Variants in GMCL1 observed in about 807,000 individuals in gnomAD.
GMCL1 encodes the protein germ cell-less protein-like 1.
A neutral mutation model predicts 75.5 loss-of-function variants in GMCL1; 54 were observed. That is an observed-to-expected ratio of 0.71 (90% confidence interval 0.57 to 0.90). The LOEUF is 0.90. GMCL1 is among the 40% of genes least tolerant of loss of function. GMCL1 has a pLI of 0.00. For missense variants in GMCL1, 537 were observed against 622.7 expected (o/e 0.86, Z 1.47); for synonymous variants, 210 against 209.6 (o/e 1.00, Z -0.02).
At position 69,869,785 on chromosome 2, in the gene GMCL1, A is replaced by G; in HGVS notation, c.1285A>G (p.Ile429Val). 1 of 1,614,070 alleles carries G rather than the reference A, an allele frequency of 6.2e-7. No homozygotes were observed. The highest frequency in any genetic ancestry group is 8.5e-7 in the Non-Finnish European group (1 of 1,179,994). The change falls in exon 12 of 14, where the codon ATC becomes GTC. Residue 429 changes from isoleucine (I) to valine (V), a missense_variant. Transcript: ENST00000282570. The part of the protein sequence containing the change: ...DLLVTYTNRY[I>V]IFKRNTLNQP... ...ACTTGTAACTTACACCAATCGATAC[A>G]TCATTTTCAAACGCAATACACTGAA...
At chr2:69,863,744 G>A (rs1558548515) in intron 10 of GMCL1, among the ~76,000 whole-genome samples, 1 of 152,162 alleles carries the variant, frequency 6.6e-6, no homozygotes, top group Non-Finnish European at 1.5e-5. Flanking sequence ...ATGATCTGTG[G>A]GGACTGTCAG....
At chr2:69,851,752 T>A (rs1381238468) in intron 8 of GMCL1, among the ~76,000 whole-genome samples, 1 of 152,086 alleles carries the variant, frequency 6.6e-6, no homozygotes, top group Non-Finnish European at 1.5e-5. Context: ...GACAGCAGAG[T>A]GAGACCCTGT....
intron 12 of GMCL1, 146 bp downstream of exon 12, chr2:69,870,010 T>C: frequency 1.4e-6 from 1 of 716,482 alleles, no homozygotes; most frequent in East Asian, 2.8e-5. Flanking sequence ...GCTCCATTCC[T>C]GTGAAATCTA....
chr2:69,870,968 A>C (rs1675965417), intron 12 of GMCL1, among the ~76,000 whole-genome samples: 1 of 152,208 alleles, frequency 6.6e-6, no homozygotes, highest in Non-Finnish European at 1.5e-5. Context: ...ATGGTATGAC[A>C]CTTCCTCAAA....
At chr2:69,854,541 T>G (rs1675415023) in intron 8 of GMCL1, among the ~76,000 whole-genome samples, 1 of 152,180 alleles carries the variant, frequency 6.6e-6, no homozygotes, top group South Asian at 2.1e-4. Context: ...TCTCAAGCCT[T>G]CCTTTCCCAA....
In GMCL1 at chr2:69,874,888, C is replaced by T. The variant is rs1241456660; in HGVS notation, c.1452+3056C>T. Among the ~76,000 whole-genome samples, 8 of 151,924 alleles carry T rather than the reference C, an allele frequency of 5.3e-5. No individual in the cohort carries two copies. In the East Asian group the frequency reaches 1.2e-3, roughly 22 times the overall value. On this transcript the variant is annotated intron_variant, in intron 13 of 13. Coordinates refer to ENST00000282570, the MANE Select transcript of GMCL1 (RefSeq NM_178439.5). ...TCACAAGTAGCTGAGACTACAGGCT[C>T]GCACCACCATGCCCAGCTAACTTTT...
At chr2:69,840,814 A>G in intron 3 of GMCL1, 128 bp from the exon 4 acceptor site, 1 of 522,488 alleles carries the variant, frequency 1.9e-6, no homozygotes, top group Non-Finnish European at 3.4e-6. Context: ...TACTTCTGTT[A>G]TCCTTTTATG....
chr2:69,878,277 G>T (rs1175627085), intron 13 of GMCL1, among the ~76,000 whole-genome samples: 1 of 152,122 alleles, frequency 6.6e-6, no homozygotes, highest in East Asian at 1.9e-4. Flanking sequence ...CCTGCTTTTT[G>T]ATGATGATAA....
At position 69,840,977 on chromosome 2, in the gene GMCL1, G is replaced by A. The variant is rs373359627; in HGVS notation, c.517G>A (p.Asp173Asn). ...TGCATTTGGTTCACTGTATCGAGAT[G>A]ATGTCTTGATAAAGCCCAGTCGAGT... The part of the protein sequence containing the change: ...QVAFGSLYRD[D>N]VLIKPSRVVA... The change falls in exon 4 of 14, where the codon GAT becomes AAT. Residue 173 changes from aspartate to asparagine, a missense_variant. By Grantham distance (23) the Asp-to-Asn change is conservative. Around this residue, in one of 3 missense-constraint regions of GMCL1, gnomAD observed 345 missense variants for 410.5 expected, o/e 0.84. Coordinates refer to ENST00000282570, the MANE Select transcript of GMCL1 (RefSeq NM_178439.5). 3.1e-6 allele frequency: 5 copies of A among 1,613,896 alleles called. No homozygotes were observed. In the African/African-American group the frequency reaches 6.7e-5, roughly 22 times the overall value.
intron 8 of GMCL1, among the ~76,000 whole-genome samples, chr2:69,852,029 A>G (rs1675332912): frequency 1.3e-5 from 2 of 152,240 alleles, no homozygotes; most frequent in Non-Finnish European, 2.9e-5. Context: ...CGTTATGGCA[A>G]TTAAAGAAGG....
At chr2:69,841,932 C>T (rs1387170083) in intron 4 of GMCL1, among the ~76,000 whole-genome samples, 1 of 152,074 alleles carries the variant, frequency 6.6e-6, no homozygotes, top group African/African-American at 2.4e-5. Flanking sequence ...AGAAGGATTG[C>T]AGAAGAGGGG....
chr2:69,865,597 G>A (rs1458252943), intron 11 of GMCL1, among the ~76,000 whole-genome samples: 8 of 151,666 alleles, frequency 5.3e-5, no homozygotes, highest in South Asian at 2.1e-4. Context: ...GCAGTAAGCC[G>A]AGATCATGCC....
At chr2:69,831,763 C>T (rs562160865) in intron 1 of GMCL1, among the ~76,000 whole-genome samples, 1 of 152,278 alleles carries the variant, frequency 6.6e-6, no homozygotes, top group Admixed American at 6.5e-5. Context: ...TGCACCACCA[C>T]ACCCAGCTAA....
chr2:69,850,949 G>A (rs1257766153), intron 8 of GMCL1, among the ~76,000 whole-genome samples: 1 of 152,170 alleles, frequency 6.6e-6, no homozygotes, highest in African/African-American at 2.4e-5. Context: ...GAGATTGAAT[G>A]ACTCTTAATA....
chr2:69,866,473 CATTG>C (rs1675820661), intron 11 of GMCL1, among the ~76,000 whole-genome samples: 1 of 152,056 alleles, frequency 6.6e-6, no homozygotes, highest in Non-Finnish European at 1.5e-5. Flanking sequence ...TTTACGTTCA[CATTG>C]ATTGACTGAT....
chr2:69,874,538 C>T (rs1194836426), intron 13 of GMCL1, among the ~76,000 whole-genome samples: 8 of 151,856 alleles, frequency 5.3e-5, no homozygotes, highest in African/African-American at 1.7e-4. Context: ...TGTGAGCCAC[C>T]GCGCCTGGCC....
chr2:69,829,921 G>T lies in GMCL1; in HGVS notation c.29G>T (p.Arg10Leu). The T allele has an allele frequency of 1.2e-6, 2 of 1,601,896 alleles. No individual in the cohort carries two copies. Among genetic ancestry groups the T allele is most frequent in the East Asian group, 2.3e-5 (1 of 44,236 alleles). The stretch of plus-strand genomic sequence containing the variant: ...GGATCGTTGAGCAGCCGGGTGCTGC[G>T]CCAGCCAAGACCAGCCCTTGCCCAG... Reference protein sequence around the residue: MGSLSSRVLRQPRPALAQQA... With the variant: MGSLSSRVLLQPRPALAQQA... The change falls in exon 1 of 14, where the codon CGC becomes CTC. Residue 10 changes from arginine (R) to leucine (L), a missense_variant. Around this residue, in one of 3 missense-constraint regions of GMCL1, gnomAD observed 144 missense variants for 127.2 expected, o/e 1.13. Coordinates refer to ENST00000282570, the MANE Select transcript of GMCL1 (RefSeq NM_178439.5).
chr2:69,857,163 C>G (rs1675495511), intron 9 of GMCL1, among the ~76,000 whole-genome samples: 1 of 152,152 alleles, frequency 6.6e-6, no homozygotes, highest in Non-Finnish European at 1.5e-5. Flanking sequence ...TTAAGCCCTT[C>G]ATTTTCTGCC....
chr2:69,835,971 A>G (rs914404529), intron 1 of GMCL1, among the ~76,000 whole-genome samples: 1 of 152,142 alleles, frequency 6.6e-6, no homozygotes, highest in Non-Finnish European at 1.5e-5. Flanking sequence ...ACAGCCTTAG[A>G]TCTTCCATTA....
Sources: gnomAD v4.1 joint callset for allele counts (sites outside exome capture counted in the v4.1 genomes callset) on GRCh38, gnomAD v4.1.1 for gene constraint, gnomAD v4.1.1 regional missense constraint, MANE v1.5 for transcripts, NCBI Gene and HGNC (gene_info 2026-07-23, HGNC 2026-07-21) for gene names.